Variants in HOXD3 observed in about 807,000 individuals in gnomAD.
The protein encoded by HOXD3 is homeobox D3.
In HOXD3, 13 loss-of-function variants were observed where a neutral mutation model predicts 32.8. That is an observed-to-expected ratio of 0.40 (90% CI 0.26 to 0.63). The LOEUF (loss-of-function observed/expected upper bound fraction) is 0.63, where lower values mean the gene tolerates loss of function less well. Ranked by LOEUF, HOXD3 falls within the 20% of genes least tolerant of loss-of-function variation. The probability of loss-of-function intolerance (pLI) is 0.44; values close to 1 mark genes in which losing one functional copy is unlikely to be tolerated. For synonymous variants in HOXD3, 241 were observed against 246.8 expected (o/e 0.98, Z 0.22); for missense variants, 504 against 577.1 (o/e 0.87, Z 1.30).
chr2:176,171,655 T>A lies in HOXD3; in HGVS notation c.680T>A (p.Met227Lys), dbSNP rs1423395862. 6.2e-7 allele frequency: 1 copy of A among 1,614,212 alleles called. No homozygotes were observed. Among genetic ancestry groups the A allele is most frequent in the Non-Finnish European group, 8.5e-7 (1 of 1,180,042 alleles). Reference protein sequence around the residue: ...RYLCRPRRVEMANLLNLTERQ... With the variant: ...RYLCRPRRVEKANLLNLTERQ... ...TTGTGCCGGCCGCGCCGCGTGGAGA[T>A]GGCCAACCTGCTGAATCTCACGGAA... Residue 227 changes from methionine (M) to lysine (K), a missense_variant, in exon 4 of 4, where the codon ATG (methionine) becomes AAG (lysine). Around this residue, in one of 3 missense-constraint regions of HOXD3, gnomAD observed 97 missense variants for 158.0 expected, o/e 0.61. Transcript: ENST00000683222.
chr2:176,157,856 G>A (rs1223920120), intron 1 of HOXD3, among the ~76,000 whole-genome samples: 1 of 152,122 alleles, frequency 6.6e-6, no homozygotes, highest in Non-Finnish European at 1.5e-5. Flanking sequence ...TGGCGCACGC[G>A]GGCCGAGGTT....
chr2:176,156,525 TTCTGGGCCGA>T (rs1158326696), upstream of HOXD3, among the ~76,000 whole-genome samples: 2 of 152,032 alleles, frequency 1.3e-5, no homozygotes, highest in Non-Finnish European at 1.5e-5. Flanking sequence ...GCGTGCTGGG[TTCTGGGCCGA>T]GCTGAGGCTC....
chr2:176,172,018 G>A lies in HOXD3; in HGVS notation c.1043G>A (p.Ser348Asn). The change falls in exon 4 of 4, where the codon AGC becomes AAC. Residue 348 changes from serine to asparagine, a missense_variant. By Grantham distance (46) the Ser-to-Asn change is conservative. Coordinates refer to ENST00000683222, the MANE Select transcript of HOXD3 (RefSeq NM_006898.5). ...PMASNGGGFA[S>N]ANLQGSPVYV... ...GCGAGCAACGGCGGCGGCTTCGCCA[G>A]CGCCAACTTGCAGGGCAGCCCGGTG... 6.2e-7 allele frequency: 1 copy of A among 1,607,084 alleles called. No individual in the cohort carries two copies. Among genetic ancestry groups the A allele is most frequent in the Non-Finnish European group, 8.5e-7 (1 of 1,178,720 alleles).
intron 1 of HOXD3, among the ~76,000 whole-genome samples, chr2:176,160,408 C>G (rs1186425863): frequency 3.9e-5 from 6 of 152,182 alleles, no homozygotes; most frequent in African/African-American, 1.4e-4. Context: ...GCGGCCAGGC[C>G]AAGACTGAGT....
intron 2 of HOXD3, among the ~76,000 whole-genome samples, chr2:176,166,449 T>G (rs1365036692): frequency 6.6e-6 from 1 of 152,150 alleles, no homozygotes; most frequent in Admixed American, 6.5e-5. Flanking sequence ...GATGTGACCA[T>G]TAGGCCTCCA....
At chr2:176,162,032 T>C (rs1384720403) in intron 1 of HOXD3, among the ~76,000 whole-genome samples, 1 of 152,180 alleles carries the variant, frequency 6.6e-6, no homozygotes, top group Non-Finnish European at 1.5e-5. Flanking sequence ...AACCGGACCT[T>C]TATGGGGAAA....
chr2:176,156,757 A>C (rs1001799871), upstream of HOXD3, among the ~76,000 whole-genome samples: 1 of 146,218 alleles, frequency 6.8e-6, no homozygotes, highest in Non-Finnish European at 1.6e-5. Flanking sequence ...CTCGCCTTGA[A>C]GAAGGGGCCA....
In HOXD3 at chr2:176,171,971, G is replaced by T. The variant is rs749387174; in HGVS notation, c.996G>T (p.Pro332=). 1.9e-6 allele frequency: 3 copies of T among 1,610,622 alleles called. No homozygotes were observed. The Admixed American group carries it at 5.0e-5, about 27-fold the overall frequency. The change falls in exon 4 of 4, where the codon CCG becomes CCT. Residue 332 remains proline (P), a synonymous_variant. Transcript: ENST00000683222. ...CACAACAGAAGCGCTACGCAGCGCC[G>T]GAGTTCGAGCCCCATCCCATGGCGA... ...CLPQQKRYAA[P]EFEPHPMASN... is the part of the protein sequence containing the mutation.
At chr2:176,167,360 T>A (rs955289160) in intron 2 of HOXD3, among the ~76,000 whole-genome samples, 15 of 152,216 alleles carry the variant, frequency 9.9e-5, no homozygotes, top group Non-Finnish European at 2.2e-4. Flanking sequence ...TTATAAAGCA[T>A]TCTCCACTCA....
rs1266311196 is a variant in HOXD3, at chr2:176,172,337, G to T, written c.*63G>T. 6 of 1,461,468 alleles carry T rather than the reference G, an allele frequency of 4.1e-6. No homozygotes were observed. The Admixed American group carries it at 1.3e-4, about 31-fold the overall frequency. The allele number at this position is 1,461,468 out of a possible 1,614,324, so 90.5% of individuals were successfully genotyped here. On this transcript the variant is annotated 3_prime_UTR_variant, in exon 4 of 4. Transcript: ENST00000683222. ...CTCTTGCTGTAGTGGTGGGGTAGAG[G>T]GTGGGGCCCGCGGGGCAGTTCGGGA...
intron 3 of HOXD3, among the ~76,000 whole-genome samples, chr2:176,171,272 G>C (rs1332631920): frequency 6.6e-6 from 1 of 152,182 alleles, no homozygotes; most frequent in Non-Finnish European, 1.5e-5. Flanking sequence ...GGTGGGCAGA[G>C]TGAACTGGAT....
upstream of HOXD3, chr2:176,153,143 C>T (rs1063657): frequency 0.14 from 50,100 of 346,936 alleles, 4,706 homozygotes; most frequent in Non-Finnish European, 0.2. Flanking sequence ...GGAGGGGGGG[C>T]GGGATTCTCT....
At chr2:176,155,056 C>G (rs1210003734), upstream of HOXD3, among the ~76,000 whole-genome samples, 2 of 152,156 alleles carry the variant, frequency 1.3e-5, no homozygotes, top group Non-Finnish European at 2.9e-5. Context: ...ACCTTTTGGA[C>G]TCTAACTACC....
rs767413637 is a variant in HOXD3 at position 176,171,900 on chromosome 2, A to G, written c.925A>G (p.Met309Val). The G allele has an allele frequency of 1.2e-6, 2 of 1,608,640 alleles. No homozygotes were observed. The highest frequency in any genetic ancestry group is 1.3e-5 in the African/African-American group (1 of 74,864). The stretch of plus-strand genomic sequence containing the variant: ...TGCTTTCGCCAAATCACAGCCCAAT[A>G]TGTACGGCCTGGCCGCCTACACGGC... Reference protein sequence around the residue: ...PPAFAKSQPNMYGLAAYTAPL... With the variant: ...PPAFAKSQPNVYGLAAYTAPL... Residue 309 changes from methionine (M) to valine (V), a missense_variant, in exon 4 of 4, where the codon ATG becomes GTG. Met to Val is a conservative substitution (Grantham distance 21). This residue lies in a region of HOXD3 where 226 missense variants were observed against 246.9 expected (regional missense o/e 0.92). Coordinates refer to ENST00000683222, the MANE Select transcript of HOXD3 (RefSeq NM_006898.5).
At chr2:176,156,538 T>G (rs1690647575), upstream of HOXD3, among the ~76,000 whole-genome samples, 1 of 152,138 alleles carries the variant, frequency 6.6e-6, no homozygotes, top group African/African-American at 2.4e-5. Context: ...TGGGCCGAGC[T>G]GAGGCTCCTG....
At chr2:176,167,960 A>G (rs1202416417) in intron 2 of HOXD3, among the ~76,000 whole-genome samples, 1 of 152,142 alleles carries the variant, frequency 6.6e-6, no homozygotes, top group Non-Finnish European at 1.5e-5. Context: ...GGCTATAAGT[A>G]CTTTTCCACA....
chr2:176,162,107 C>T (rs542249802), intron 1 of HOXD3, among the ~76,000 whole-genome samples: 1 of 152,238 alleles, frequency 6.6e-6, no homozygotes, highest in East Asian at 1.9e-4. Context: ...GGAGAGGAAC[C>T]GACTTCCAGG....
chr2:176,152,606 A>G (rs781735032), upstream of HOXD3: 18 of 1,613,292 alleles, frequency 1.1e-5, 1 homozygote, highest in South Asian at 1.8e-4. This position sits in a 1 kb window ranked among gnomAD's most constrained non-coding sequence, Gnocchi z 5.2. Flanking sequence ...TTTGTCTCGC[A>G]GTGAACCCCA....
In HOXD3 at chr2:176,172,583, A is replaced by G. The variant is rs711830; in HGVS notation, c.*309A>G. 0.73 allele frequency: 255,136 copies of G among 347,170 alleles called. 95,063 individuals carry two copies. The highest frequency in any genetic ancestry group is 0.89 in the African/African-American group (42,342 of 47,672). 21.5% of individuals were successfully genotyped at this position (347,170 alleles called of 1,614,324 possible). ...CCCAAAGGTAAGTCTGAGACCCATCAGCGGCGCGCCCTGCAGAGGGACCAG... is the reference window on the plus strand; with the variant it reads ...CCCAAAGGTAAGTCTGAGACCCATCGGCGGCGCGCCCTGCAGAGGGACCAG... On this transcript the variant is annotated 3_prime_UTR_variant, in exon 4 of 4. Transcript: ENST00000683222.
Sources: allele counts gnomAD v4.1 joint callset (sites outside exome capture counted in the v4.1 genomes callset), GRCh38; gene constraint gnomAD v4.1.1; regional missense constraint gnomAD v4.1.1; non-coding constraint Gnocchi (gnomAD v3.1); transcripts MANE v1.5; gene names NCBI Gene and HGNC (gene_info 2026-07-23, HGNC 2026-07-21).